The following ACTR5 variants were observed in gnomAD, a reference collection of about 807,000 sequenced individuals.
ACTR5 encodes the protein actin-related protein 5.
Under a neutral mutation model 61.2 loss-of-function variants are expected in ACTR5, and 43 were observed. The observed-to-expected ratio is 0.70, with a 90% confidence interval of 0.55 to 0.91. The LOEUF (loss-of-function observed/expected upper bound fraction) is 0.91, where lower values mean the gene tolerates loss of function less well. Ranked by LOEUF, ACTR5 falls within the 40% of genes least tolerant of loss-of-function variation. The pLI is 0.00. For missense variants in ACTR5, 798 were observed against 782.2 expected (o/e 1.02, Z -0.24); for synonymous variants, 333 against 310.5 (o/e 1.07, Z -0.76).
At chr20:38,769,541 G>A (rs891531370) in intron 8 of ACTR5, among the ~76,000 whole-genome samples, 4 of 152,202 alleles carry the variant, frequency 2.6e-5, no homozygotes, top group African/African-American at 9.6e-5. Flanking sequence ...GAGATTCACT[G>A]AACGAGGAGC....
intron 1 of ACTR5, among the ~76,000 whole-genome samples, 195 bp downstream of exon 1, chr20:38,749,048 CATA>C (rs2084370437): frequency 6.6e-6 from 1 of 152,184 alleles, no homozygotes; most frequent in Non-Finnish European, 1.5e-5. Flanking sequence ...TACCTTTGGG[CATA>C]TATGCTTGTT....
intron 2 of ACTR5, among the ~76,000 whole-genome samples, chr20:38,750,677 G>A (rs955790026): frequency 6.6e-6 from 1 of 151,980 alleles, no homozygotes; most frequent in Non-Finnish European, 1.5e-5. Flanking sequence ...TGTTGCCCAG[G>A]CTGGAGTGCA....
intron 5 of ACTR5, among the ~76,000 whole-genome samples, chr20:38,760,783 G>T (rs1338080991): frequency 2.6e-5 from 4 of 152,226 alleles, no homozygotes; most frequent in Admixed American, 2.6e-4. Context: ...TTGAAAGGCA[G>T]TGGGTAGATG....
intron 5 of ACTR5, 151 bp downstream of exon 5, chr20:38,756,190 T>G: frequency 1.1e-6 from 1 of 912,268 alleles, no homozygotes; most frequent in Non-Finnish European, 1.6e-6. Context: ...TTGTACCAAC[T>G]GAAATTCTGT....
At chr20:38,755,758 G>A in intron 4 of ACTR5, 99 bp from the exon 5 acceptor site, 2 of 1,328,510 alleles carry the variant, frequency 1.5e-6, no homozygotes, top group Non-Finnish European at 2.1e-6. Flanking sequence ...CTCTGGGCAG[G>A]GTAGGCCAGG....
At chr20:38,750,548 G>T (rs1408228332) in intron 2 of ACTR5, among the ~76,000 whole-genome samples, 1 of 152,176 alleles carries the variant, frequency 6.6e-6, no homozygotes, top group East Asian at 1.9e-4. Context: ...TAGGCATTCA[G>T]TAGAAATGTT....
intron 4 of ACTR5, 65 bp downstream of exon 4, chr20:38,755,239 G>A (rs957556835): frequency 1.4e-6 from 2 of 1,466,652 alleles, no homozygotes; most frequent in Non-Finnish European, 1.8e-6. Flanking sequence ...AGATTTTCTT[G>A]CATATTTTTC....
rs765339462 is a variant in ACTR5 at position 38,756,030 on chromosome 20, C to T, written c.1167C>T (p.Ser389=). The T allele has an allele frequency of 6.2e-7, 1 of 1,612,106 alleles. No homozygotes were observed. The highest frequency in any genetic ancestry group is 1.1e-5 in the South Asian group (1 of 90,904). ...EVNLEVDVVD[S]KPETPDLEQL... is the part of the protein sequence containing the mutation. ...ACCTCGAGGTGGATGTGGTAGACAG[C>T]AAGCCAGAGGTAACTTAGGGCCTTG... Residue 389 remains serine, a synonymous_variant, in exon 5 of 9, where the codon AGC becomes AGT. Coordinates refer to ENST00000243903, the MANE Select transcript of ACTR5 (RefSeq NM_024855.4).
Position 38,752,115 on chromosome 20 carries a change from T to C in ACTR5, c.606-16T>C, listed in dbSNP as rs764372334. The C allele has an allele frequency of 1.9e-6, 3 of 1,608,200 alleles. No individual in the cohort carries two copies. In the East Asian group the frequency reaches 6.7e-5, roughly 36 times the overall value. ...CTCCAGAAATTTCAGTGCTGTTTTC[T>C]ACTGCTTGGTTATAGATTAGATGCT... On this transcript the variant is annotated splice_polypyrimidine_tract_variant and intron_variant, in intron 2 of 8. Coordinates refer to ENST00000243903, the MANE Select transcript of ACTR5 (RefSeq NM_024855.4).
intron 6 of ACTR5, among the ~76,000 whole-genome samples, chr20:38,765,784 T>C (rs1004851191): frequency 6.6e-6 from 1 of 152,236 alleles, no homozygotes; most frequent in African/African-American, 2.4e-5. Context: ...GAATACTGGC[T>C]TGTAATAGTT....
At chr20:38,770,684 C>T (rs1340941199) in intron 8 of ACTR5, among the ~76,000 whole-genome samples, 1 of 152,170 alleles carries the variant, frequency 6.6e-6, no homozygotes, top group Non-Finnish European at 1.5e-5. Context: ...TACACTCATG[C>T]ACTTAAATCC....
intron 5 of ACTR5, among the ~76,000 whole-genome samples, chr20:38,763,703 T>G (rs905198109): frequency 6.6e-6 from 1 of 152,232 alleles, no homozygotes; most frequent in Non-Finnish European, 1.5e-5. Context: ...CATAGCATCC[T>G]CACCCATCAA....
At chr20:38,771,106 C>T (rs1293571987) in intron 8 of ACTR5, among the ~76,000 whole-genome samples, 1 of 152,232 alleles carries the variant, frequency 6.6e-6, no homozygotes, top group East Asian at 1.9e-4. Flanking sequence ...GCCCAGGTCA[C>T]CCCTCTCTGC....
chr20:38,748,953 A>G (rs976056682), intron 1 of ACTR5, 100 bp downstream of exon 1: 1 of 1,412,216 alleles, frequency 7.1e-7, no homozygotes, highest in Admixed American at 2.6e-5. Context: ...TCACTTCAGT[A>G]GCTCCGATTG....
rs779779071 is a variant in ACTR5 at position 38,771,849 on chromosome 20, C to T, written c.*33C>T. 6.3e-7 allele frequency: 1 copy of T among 1,586,472 alleles called. No individual in the cohort carries two copies. On this transcript the variant is annotated 3_prime_UTR_variant, in exon 9 of 9. Transcript: ENST00000243903. ...CCTCCAGAGAGACTGCCCTGCACGCCATGCCTTGGGCCACGTTGGCAGTGT... is the reference window on the plus strand; with the variant it reads ...CCTCCAGAGAGACTGCCCTGCACGCTATGCCTTGGGCCACGTTGGCAGTGT...
rs146785318 is a variant in ACTR5 at position 38,748,838 on chromosome 20, G to T, written c.360G>T (p.Leu120=). The T allele has an allele frequency of 1.1e-5, 17 of 1,607,908 alleles. No homozygotes were observed. In the South Asian group the frequency reaches 1.8e-4, roughly 17 times the overall value. Residue 120 remains leucine, a synonymous_variant, in exon 1 of 9, where the codon CTG becomes CTT. Transcript: ENST00000243903. ...TGCTGGACTACAGCTTCCAGCACCT[G>T]GGTGTCTCCTCACAGGTGAAGGGCG... ...ELLLDYSFQH[L]GVSSQGCVDH... is the part of the protein sequence containing the mutation.
rs574635848 is a variant in ACTR5, at chr20:38,756,642, C to T, written c.1176+603C>T. On this transcript the variant is annotated intron_variant, in intron 5 of 8. Transcript: ENST00000243903. ...TTTTGAGGCCGGGCGTGCTGGCTCACGCTTGTAATCCCAGCACTTTGGAAG... is the reference window on the plus strand; with the variant it reads ...TTTTGAGGCCGGGCGTGCTGGCTCATGCTTGTAATCCCAGCACTTTGGAAG... Among the ~76,000 whole-genome samples, 43 of 152,346 alleles carry T rather than the reference C, an allele frequency of 2.8e-4. No individual in the cohort carries two copies. The South Asian group carries it at 8.1e-3, about 29-fold the overall frequency.
chr20:38,752,314 T>C lies in ACTR5; in HGVS notation c.775+14T>C. On this transcript the variant is annotated intron_variant, in intron 3 of 8. Coordinates refer to ENST00000243903, the MANE Select transcript of ACTR5 (RefSeq NM_024855.4). Reference sequence around the variant, plus strand: ...ATTATGTGGAAGGTATCCAAGAGGATGTTTGCCTGCAGCTTTTGGGTGTTG... The same window carrying C: ...ATTATGTGGAAGGTATCCAAGAGGACGTTTGCCTGCAGCTTTTGGGTGTTG... 6.3e-7 allele frequency: 1 copy of C among 1,578,268 alleles called. No individual in the cohort carries two copies. The highest frequency in any genetic ancestry group is 8.7e-7 in the Non-Finnish European group (1 of 1,155,550).
At chr20:38,751,964 A>C (rs1192956401) in intron 2 of ACTR5, among the ~76,000 whole-genome samples, 167 bp from the exon 3 acceptor site, 1 of 152,128 alleles carries the variant, frequency 6.6e-6, no homozygotes, top group Non-Finnish European at 1.5e-5. Context: ...CCTAGATAAG[A>C]GGTTATACCA....
Sources: allele counts gnomAD v4.1 joint callset (sites outside exome capture counted in the v4.1 genomes callset), GRCh38; gene constraint gnomAD v4.1.1; transcripts MANE v1.5; gene names NCBI Gene and HGNC (gene_info 2026-07-23, HGNC 2026-07-21).